The following ACACA variants were observed in gnomAD, a reference collection of about 807,000 sequenced individuals.
ACACA encodes the protein acetyl-CoA carboxylase 1.
In ACACA, 103 loss-of-function variants were observed where a neutral mutation model predicts 296.1. The ratio of observed to expected loss-of-function variants is 0.35; its 90% CI spans 0.30 to 0.41. ACACA has a LOEUF of 0.41. ACACA is among the 10% of genes least tolerant of loss of function. The pLI is 1.00. For synonymous variants in ACACA, 953 were observed against 1,038.6 expected (o/e 0.92, Z 1.58); for missense variants, 1,554 against 2,989.7 (o/e 0.52, Z 11.20).
chr17:37,241,772 T>C (rs1036369736), intron 23 of ACACA, among the ~76,000 whole-genome samples, 181 bp downstream of exon 23: 11 of 152,154 alleles, frequency 7.2e-5, no homozygotes, highest in Non-Finnish European at 1.6e-4. Context: ...GTCAGAAATA[T>C]TGAGCATGAG....
intron 29 of ACACA, among the ~76,000 whole-genome samples, chr17:37,214,099 A>G (rs566271923): frequency 6.6e-6 from 1 of 152,344 alleles, no homozygotes; most frequent in South Asian, 2.1e-4. Context: ...TTTTGAAATC[A>G]GGCAGCAAAG....
intron 52 of ACACA, among the ~76,000 whole-genome samples, chr17:37,103,668 G>T (rs1187728772): frequency 6.6e-6 from 1 of 151,904 alleles, no homozygotes; most frequent in African/African-American, 2.4e-5. Context: ...CTGAAGCCAG[G>T]ATTTCAAGAT....
intron 5 of ACACA, 89 bp downstream of exon 5, chr17:37,283,178 C>T (rs1010955681): frequency 2.0e-6 from 3 of 1,490,510 alleles, no homozygotes; most frequent in Non-Finnish European, 2.8e-6. Context: ...GTTTGGGAAT[C>T]CCCCTAAGTT....
intron 3 of ACACA, among the ~76,000 whole-genome samples, chr17:37,317,572 A>C (rs1217083837): frequency 1.3e-5 from 2 of 152,196 alleles, no homozygotes; most frequent in East Asian, 1.9e-4. Flanking sequence ...GGAAAAAAAA[A>C]CTTCTTGGAT....
At chr17:37,336,373 T>C (rs2048120450) in intron 2 of ACACA, among the ~76,000 whole-genome samples, 2 of 152,144 alleles carry the variant, frequency 1.3e-5, no homozygotes, top group South Asian at 4.1e-4. Context: ...CAGGAATAAC[T>C]AGATTTCCTA....
chr17:37,175,026 T>C (rs1371958842), intron 41 of ACACA, among the ~76,000 whole-genome samples: 1 of 152,182 alleles, frequency 6.6e-6, no homozygotes, highest in African/African-American at 2.4e-5. Context: ...GACAGAATGT[T>C]AAAAAGCTGC....
At chr17:37,152,060 G>T (rs1486745013) in intron 43 of ACACA, among the ~76,000 whole-genome samples, 1 of 152,094 alleles carries the variant, frequency 6.6e-6, no homozygotes, top group East Asian at 1.9e-4. Context: ...CTCCCAAAGT[G>T]CTGGGATTAC....
At chr17:37,321,133 C>T (rs887113116) in intron 3 of ACACA, among the ~76,000 whole-genome samples, 3 of 151,996 alleles carry the variant, frequency 2.0e-5, no homozygotes, top group African/African-American at 7.3e-5. Context: ...GAAAACTTGA[C>T]TAATATTTCC....
intron 1 of ACACA, chr17:37,360,375 G>T (rs1647684612): frequency 6.6e-6 from 1 of 152,208 alleles, no homozygotes; most frequent in Non-Finnish European, 1.5e-5. Context: ...GCCCAGGTAA[G>T]AAGTTCTTGG....
At position 37,287,080 on chromosome 17, in the gene ACACA, G is replaced by C. The variant is rs190053659; in HGVS notation, c.339-2110C>G. On this transcript the variant is annotated intron_variant, in intron 3 of 55. Transcript: ENST00000616317. ...CTTGACTGATAGACCCTCCAAAAGA[G>C]TGTTCAGAGGATTAAATAAGATAGT... 3.0e-4 allele frequency among the ~76,000 whole-genome samples: 45 copies of C among 152,290 alleles called. 1 individual carries two copies. The East Asian group carries it at 8.7e-3, about 29-fold the overall frequency.
chr17:37,207,492 T>C (rs2078558292), intron 31 of ACACA, among the ~76,000 whole-genome samples, 165 bp downstream of exon 31: 2 of 152,144 alleles, frequency 1.3e-5, no homozygotes, highest in South Asian at 2.1e-4. Flanking sequence ...GAGGTAGAAA[T>C]GCAAGGATAT....
At chr17:37,192,865 G>A (rs531405319) in intron 36 of ACACA, among the ~76,000 whole-genome samples, 3 of 152,078 alleles carry the variant, frequency 2.0e-5, no homozygotes, top group South Asian at 4.2e-4. Flanking sequence ...AGTTGTATTA[G>A]TATATAACTT....
chr17:37,328,963 G>C, intron 3 of ACACA: 1 of 398,576 alleles, frequency 2.5e-6, no homozygotes, highest in Non-Finnish European at 4.4e-6. Flanking sequence ...AAGAACCACT[G>C]ATCCAGACCT....
At chr17:37,188,974 T>C (rs2077643004) in intron 38 of ACACA, among the ~76,000 whole-genome samples, 1 of 152,204 alleles carries the variant, frequency 6.6e-6, no homozygotes, top group Non-Finnish European at 1.5e-5. Flanking sequence ...ATAATATATG[T>C]CTCTTGGTAA....
At chr17:37,103,038 G>A (rs560325644) in intron 52 of ACACA, among the ~76,000 whole-genome samples, 1 of 152,264 alleles carries the variant, frequency 6.6e-6, no homozygotes, top group South Asian at 2.1e-4. Flanking sequence ...GAAGGTCAAG[G>A]ATTTGTGTGC....
At chr17:37,134,508 A>G (rs990326349) in intron 45 of ACACA, among the ~76,000 whole-genome samples, 4 of 152,230 alleles carry the variant, frequency 2.6e-5, no homozygotes, top group African/African-American at 7.2e-5. Flanking sequence ...TTGTCCTGAC[A>G]TACACATTAT....
chr17:37,388,938 G>T (rs2050670798), intron 1 of ACACA: 1 of 1,151,168 alleles, frequency 8.7e-7, no homozygotes, highest in Non-Finnish European at 1.2e-6. Context: ...GAGTGGTGTT[G>T]GGAAAGTTGC....
chr17:37,200,273 G>A, intron 34 of ACACA, 90 bp from the exon 35 acceptor site: 3 of 1,380,818 alleles, frequency 2.2e-6, no homozygotes, highest in Non-Finnish European at 2.1e-6. Flanking sequence ...AAGATGATGA[G>A]TTAAACTAAT....
intron 41 of ACACA, among the ~76,000 whole-genome samples, chr17:37,167,537 T>C (rs532810261): frequency 6.6e-6 from 1 of 151,988 alleles, no homozygotes; most frequent in Non-Finnish European, 1.5e-5. Flanking sequence ...CAGGCTGGTC[T>C]CGAACCCCTG....
Sources: gnomAD v4.1 joint callset for allele counts (sites outside exome capture counted in the v4.1 genomes callset) on GRCh38, gnomAD v4.1.1 for gene constraint, MANE v1.5 for transcripts, NCBI Gene and HGNC (gene_info 2026-07-23, HGNC 2026-07-21) for gene names.